HEMK2: variants seen among roughly 807,000 people sequenced by gnomAD.
HEMK2 encodes the protein methyltransferase HEMK2.
chr21:28,857,259 TA>T, the HEMK2 span, among the ~76,000 whole-genome samples: 111 of 151,124 alleles, frequency 7.3e-4, 1 homozygote, highest in African/African-American at 2.6e-3. Context: ...TGAATTTGAT[TA>T]AAAAAAAACA....
the HEMK2 span, among the ~76,000 whole-genome samples, chr21:28,630,818 C>T: frequency 1.2e-4 from 18 of 150,902 alleles, no homozygotes; most frequent in South Asian, 2.1e-4. Context: ...TTAGGGGATA[C>T]ACCTAATGCT....
At chr21:28,715,370 T>C in the HEMK2 span, among the ~76,000 whole-genome samples, 1 of 152,208 alleles carries the variant, frequency 6.6e-6, no homozygotes, top group Non-Finnish European at 1.5e-5. Flanking sequence ...ATTGTGGTTT[T>C]GATCTACATT....
the HEMK2 span, among the ~76,000 whole-genome samples, chr21:28,826,156 C>G: frequency 1.3e-5 from 2 of 152,210 alleles, no homozygotes; most frequent in Non-Finnish European, 2.9e-5. Flanking sequence ...ACAAACAGAA[C>G]CATCCAGACA....
chr21:28,856,256 A>AT, the HEMK2 span, among the ~76,000 whole-genome samples: 1 of 152,040 alleles, frequency 6.6e-6, no homozygotes, highest in African/African-American at 2.4e-5. Flanking sequence ...CTCTACTAAA[A>AT]TTACAAAAAT....
chr21:28,681,766 T>A, the HEMK2 span, among the ~76,000 whole-genome samples: 1 of 151,050 alleles, frequency 6.6e-6, no homozygotes, highest in African/African-American at 2.4e-5. Context: ...AACTATCTGA[T>A]TTTTGACAAA....
the HEMK2 span, among the ~76,000 whole-genome samples, chr21:28,630,634 A>G: frequency 6.6e-6 from 1 of 151,772 alleles, no homozygotes; most frequent in Admixed American, 6.6e-5. Context: ...TTGTAGGGAC[A>G]TGGATGAAAC....
At chr21:28,641,388 C>T in the HEMK2 span, among the ~76,000 whole-genome samples, 1 of 152,072 alleles carries the variant, frequency 6.6e-6, no homozygotes, top group Non-Finnish European at 1.5e-5. Flanking sequence ...TGCAGTGTGC[C>T]CCCCTCCTAC....
chr21:28,581,596 C>T, the HEMK2 span, among the ~76,000 whole-genome samples: 3 of 152,198 alleles, frequency 2.0e-5, no homozygotes, highest in Non-Finnish European at 2.9e-5. Context: ...GCCTGTTCTT[C>T]CTGAGCAATT....
the HEMK2 span, among the ~76,000 whole-genome samples, chr21:28,764,459 A>G: frequency 6.6e-6 from 1 of 152,122 alleles, no homozygotes; most frequent in Non-Finnish European, 1.5e-5. Flanking sequence ...TATAATAAAC[A>G]AGGAATATAG....
the HEMK2 span, among the ~76,000 whole-genome samples, chr21:28,783,311 A>T: frequency 6.6e-6 from 1 of 151,966 alleles, no homozygotes; most frequent in Non-Finnish European, 1.5e-5. Context: ...CAGCCTCCCA[A>T]GTAGCTGGGA....
chr21:28,604,986 C>G, the HEMK2 span, among the ~76,000 whole-genome samples: 1 of 152,338 alleles, frequency 6.6e-6, no homozygotes, highest in East Asian at 1.9e-4. Context: ...TGTCCTAAAT[C>G]TGCACTGACC....
At chr21:28,818,676 C>A in the HEMK2 span, among the ~76,000 whole-genome samples, 24 of 152,182 alleles carry the variant, frequency 1.6e-4, no homozygotes, top group African/African-American at 5.8e-4. Context: ...GCTTGCCACA[C>A]TTGGGCCCCA....
At chr21:28,610,184 C>T in the HEMK2 span, among the ~76,000 whole-genome samples, 1 of 152,102 alleles carries the variant, frequency 6.6e-6, no homozygotes, top group African/African-American at 2.4e-5. Flanking sequence ...ATAAAGAAAA[C>T]CCTGTCTGAT....
the HEMK2 span, among the ~76,000 whole-genome samples, chr21:28,620,801 G>C: frequency 2.0e-5 from 3 of 150,184 alleles, no homozygotes; most frequent in Non-Finnish European, 3.0e-5. Flanking sequence ...AGCCTCCCAA[G>C]TAGCTGGGAC....
the HEMK2 span, among the ~76,000 whole-genome samples, chr21:28,671,971 C>T: frequency 2.0e-5 from 3 of 152,100 alleles, no homozygotes; most frequent in Admixed American, 6.6e-5. Context: ...GTGACTTATT[C>T]ACTCTACAGT....
At chr21:28,690,138 A>G in the HEMK2 span, among the ~76,000 whole-genome samples, 1 of 152,196 alleles carries the variant, frequency 6.6e-6, no homozygotes, top group South Asian at 2.1e-4. Context: ...AGACTTATTC[A>G]CTACCATGAG....
At chr21:28,861,786 T>C in the HEMK2 span, among the ~76,000 whole-genome samples, 2 of 152,248 alleles carry the variant, frequency 1.3e-5, no homozygotes, top group African/African-American at 4.8e-5. Flanking sequence ...TACGGTACTG[T>C]TTCTCTCACA....
the HEMK2 span, among the ~76,000 whole-genome samples, chr21:28,596,598 A>C: frequency 3.0e-4 from 45 of 152,312 alleles, no homozygotes; most frequent in Admixed American, 5.2e-4. Context: ...TATTCACATT[A>C]TCATAATTTG....
At chr21:28,674,957 T>C in the HEMK2 span, 1 of 152,352 alleles carries the variant, frequency 6.6e-6, no homozygotes, top group Admixed American at 6.5e-5. Context: ...CACCCTTTAA[T>C]ACTATTGAAT....
Sources: allele counts gnomAD v4.1 joint callset (sites outside exome capture counted in the v4.1 genomes callset), GRCh38; gene constraint gnomAD v4.1.1; transcripts MANE v1.5; gene names NCBI Gene and HGNC (gene_info 2026-07-23, HGNC 2026-07-21).